The following LOXL2 variants were observed in gnomAD, a reference collection of about 807,000 sequenced individuals.
LOXL2 encodes the protein lysyl oxidase like 2.
Under a neutral mutation model 93.0 loss-of-function variants are expected in LOXL2, and 70 were observed. The observed-to-expected ratio is 0.75, with a 90% CI of 0.62 to 0.92. The LOEUF (loss-of-function observed/expected upper bound fraction) is 0.92, where lower values mean the gene tolerates loss of function less well. Among genes scored for constraint, LOXL2 ranks in the 40% least tolerant of loss-of-function variants. The pLI, the probability that LOXL2 is intolerant of heterozygous loss-of-function variation, is 0.00. For missense variants in LOXL2, 973 were observed against 1,054.9 expected, an observed-to-expected ratio of 0.92 and a Z score of 1.08; for synonymous variants, 438 against 413.2, an observed-to-expected ratio of 1.06 and a Z score of -0.73.
At chr8:23,351,678 A>G (rs1054952937) in intron 3 of LOXL2, among the ~76,000 whole-genome samples, 3 of 152,208 alleles carry the variant, frequency 2.0e-5, no homozygotes, top group Non-Finnish European at 4.4e-5. Flanking sequence ...CCAGGTTCCC[A>G]TCTGTTATCC....
chr8:23,307,465 G>A (rs1055893687), intron 10 of LOXL2, among the ~76,000 whole-genome samples: 16 of 152,178 alleles, frequency 1.1e-4, no homozygotes, highest in African/African-American at 3.4e-4. Context: ...TGGGGGAGCA[G>A]GGGGTTGGGG....
intron 1 of LOXL2, among the ~76,000 whole-genome samples, chr8:23,396,705 C>A (rs1388544011): frequency 6.6e-6 from 1 of 152,220 alleles, no homozygotes; most frequent in Non-Finnish European, 1.5e-5. Flanking sequence ...CTCTTCCAAA[C>A]CCCCTCATGG....
At chr8:23,357,184 C>T (rs1424238065) in intron 3 of LOXL2, among the ~76,000 whole-genome samples, 1 of 152,112 alleles carries the variant, frequency 6.6e-6, no homozygotes, top group Non-Finnish European at 1.5e-5. Flanking sequence ...ATTCTCCTGC[C>T]TCAGCCTCCT....
intron 1 of LOXL2, among the ~76,000 whole-genome samples, chr8:23,397,228 TG>T (rs1800102326): frequency 6.6e-6 from 1 of 152,144 alleles, no homozygotes; most frequent in Non-Finnish European, 1.5e-5. Context: ...TAGTGTTCAA[TG>T]GGTACAGAGT....
chr8:23,368,409 C>A lies in LOXL2; in HGVS notation c.-58G>T. ...GCCCTGCGCAGCTGGGAGGGACAGG[C>A]GGGGTACAGAAGCAGCAGGAGCTTT... On this transcript the variant is annotated 5_prime_UTR_variant, in exon 2 of 14. Transcript: ENST00000389131. The A allele has an allele frequency of 6.8e-7, 1 of 1,472,282 alleles. No individual in the cohort carries two copies. Among genetic ancestry groups the A allele is most frequent in the Non-Finnish European group, 9.4e-7 (1 of 1,063,788 alleles). The allele number at this position is 1,472,282 out of a possible 1,614,324, so 91.2% of individuals were successfully genotyped here. A position where few individuals can be genotyped will look rare whatever the true frequency, so the allele number is the denominator to read the frequency against.
intron 1 of LOXL2, among the ~76,000 whole-genome samples, chr8:23,389,741 A>G (rs1450514089): frequency 6.6e-6 from 1 of 152,100 alleles, no homozygotes; most frequent in Non-Finnish European, 1.5e-5. Flanking sequence ...CCCTAATATG[A>G]GTATGTGGGG....
intron 5 of LOXL2, among the ~76,000 whole-genome samples, chr8:23,329,835 C>T (rs965592620): frequency 6.6e-6 from 1 of 152,218 alleles, no homozygotes; most frequent in African/African-American, 2.4e-5. Flanking sequence ...CACCAGCTAC[C>T]TTCAGCGGGA....
chr8:23,309,273 G>A (rs764364449), intron 10 of LOXL2, among the ~76,000 whole-genome samples: 17 of 152,066 alleles, frequency 1.1e-4, no homozygotes, highest in East Asian at 5.8e-4. Context: ...GTGAGCCACC[G>A]CGCCAGGCTG....
chr8:23,298,940 A>G lies in LOXL2; in HGVS notation c.2141T>C (p.Ile714Thr). The stretch of plus-strand genomic sequence containing the variant: ...TTCTGCAACCTCGAAGTTGGGGTTA[A>G]TAACAACCTAGGGAGAAGCAGGGCA... ...PPGDYLFQVV[I>T]NPNFEVAESD... Residue 714 changes from isoleucine to threonine, a missense_variant, in exon 13 of 14, where the codon ATT becomes ACT. Coordinates refer to ENST00000389131, the MANE Select transcript of LOXL2 (RefSeq NM_002318.3). The G allele has an allele frequency of 1.9e-6, 3 of 1,600,884 alleles. No individual in the cohort carries two copies. Among genetic ancestry groups the G allele is most frequent in the Non-Finnish European group, 2.6e-6 (3 of 1,168,132 alleles).
rs566840034 is a variant in LOXL2, at chr8:23,361,525, C to CA, written c.356-1261dup. The stretch of plus-strand genomic sequence containing the variant: ...TGAACCACAGTGAAACACCACCTCA[C>CA]ACCCTTAGGATGGCTACTATCAAAA... On this transcript the variant is annotated intron_variant, in intron 2 of 13. Coordinates refer to ENST00000389131, the MANE Select transcript of LOXL2 (RefSeq NM_002318.3). Among the ~76,000 whole-genome samples, 1,013 of 152,208 alleles carry CA rather than the reference C, an allele frequency of 6.7e-3. 8 individuals are homozygous for CA. Among genetic ancestry groups the CA allele is most frequent in the Non-Finnish European group, 9.8e-3 (668 of 67,998 alleles).
chr8:23,298,242 A>G (rs1803071517), intron 13 of LOXL2, 120 bp from the exon 14 acceptor site: 1 of 694,618 alleles, frequency 1.4e-6, no homozygotes, highest in African/African-American at 1.8e-5. Context: ...GCCCTCCTCA[A>G]AAGGACAGGT....
chr8:23,357,729 T>C (rs1484206641), intron 3 of LOXL2, among the ~76,000 whole-genome samples: 1 of 152,136 alleles, frequency 6.6e-6, no homozygotes, highest in African/African-American at 2.4e-5. Context: ...CCAAGTAGAT[T>C]ATCCTGAGGT....
rs563264823 is a variant in LOXL2 at position 23,350,693 on chromosome 8, G to A, written c.531+9397C>T. Among the ~76,000 whole-genome samples the A allele has an allele frequency of 5.9e-5, 9 of 152,334 alleles. No individual in the cohort carries two copies. In the South Asian group the frequency reaches 1.5e-3, roughly 25 times the overall value. On this transcript the variant is annotated intron_variant, in intron 3 of 13. Transcript: ENST00000389131. ...CTCTAGGCAATAGAGGCCAGTGGAG[G>A]CCTGGAGAGCTGAGGTCATGCTGAC... is the stretch of plus-strand genomic sequence containing the variant.
At chr8:23,385,659 TAAGA>T in intron 1 of LOXL2, 1 of 463,658 alleles carries the variant, frequency 2.2e-6, no homozygotes, top group Non-Finnish European at 3.9e-6. Context: ...TGAGAAGTGC[TAAGA>T]CAGGTATTTC....
rs1585338474 is a variant in LOXL2, at chr8:23,297,996, GA to G, written c.*46del. 6.6e-7 allele frequency: 1 copy of G among 1,508,738 alleles called. No homozygotes were observed. The highest frequency in any genetic ancestry group is 2.3e-5 in the East Asian group (1 of 44,174). 93.5% of individuals were successfully genotyped at this position (1,508,738 alleles called of 1,614,324 possible). A position where few individuals can be genotyped will look rare whatever the true frequency, so the allele number is the denominator to read the frequency against. ...TCAGTTGTTGGGGGGAAGTCCCATGGAAGATGTGGTGTGGCCTGAAGACAGG... is the reference window on the plus strand; with the variant it reads ...TCAGTTGTTGGGGGGAAGTCCCATGGAGATGTGGTGTGGCCTGAAGACAGG... On this transcript the variant is annotated 3_prime_UTR_variant, in exon 14 of 14. Coordinates refer to ENST00000389131, the MANE Select transcript of LOXL2 (RefSeq NM_002318.3).
chr8:23,302,894 T>C (rs1164274177), intron 11 of LOXL2, among the ~76,000 whole-genome samples: 1 of 151,882 alleles, frequency 6.6e-6, no homozygotes, highest in Non-Finnish European at 1.5e-5. Context: ...AATTGAAGGG[T>C]GACACCTGGT....
chr8:23,328,636 C>G, intron 5 of LOXL2, 71 bp from the exon 6 acceptor site: 2 of 1,434,642 alleles, frequency 1.4e-6, no homozygotes, highest in Non-Finnish European at 1.9e-6. Flanking sequence ...TGTCCCCGCC[C>G]CCTCCCTTCC....
chr8:23,367,252 T>C (rs1007849050), intron 2 of LOXL2, among the ~76,000 whole-genome samples: 2 of 152,178 alleles, frequency 1.3e-5, no homozygotes, highest in African/African-American at 4.8e-5. Context: ...TTTCCCCATG[T>C]TGGCCAGGCT....
chr8:23,303,256 C>A, intron 11 of LOXL2, 26 bp downstream of exon 11: 1 of 1,459,190 alleles, frequency 6.9e-7, no homozygotes, highest in Non-Finnish European at 9.6e-7. Flanking sequence ...TCTGAGGCCT[C>A]CCATCCCCCC....
Sources: gnomAD v4.1 joint callset for allele counts (sites outside exome capture counted in the v4.1 genomes callset) on GRCh38, gnomAD v4.1.1 for gene constraint, MANE v1.5 for transcripts, NCBI Gene and HGNC (gene_info 2026-07-23, HGNC 2026-07-21) for gene names.